SLC2A4RG: variants seen among roughly 807,000 people sequenced by gnomAD.
SLC2A4RG encodes the protein SLC2A4 regulator.
In SLC2A4RG, 23 loss-of-function variants were observed where a neutral mutation model predicts 35.5. That is an observed-to-expected ratio of 0.65 (90% CI 0.47 to 0.92). SLC2A4RG has a LOEUF of 0.92. Among genes scored for constraint, SLC2A4RG ranks in the 40% least tolerant of loss-of-function variants. SLC2A4RG has a pLI of 0.00. For missense variants in SLC2A4RG, 539 were observed against 525.0 expected (o/e 1.03, Z -0.26); for synonymous variants, 306 against 243.7 (o/e 1.26, Z -2.38).
Position 63,742,542 on chromosome 20 carries a change from C to T in SLC2A4RG, c.887C>T (p.Pro296Leu), listed in dbSNP as rs377648423. The T allele has an allele frequency of 1.3e-4, 207 of 1,565,258 alleles. 1 individual carries two copies. The South Asian group carries it at 1.8e-3, about 14-fold the overall frequency. Reference sequence around the variant, plus strand: ...CCTAGTCCCCTGCGGCCGCCTGCCCCGCCCCTGCCCCCGCCCCCTGTCCTG... The same window carrying T: ...CCTAGTCCCCTGCGGCCGCCTGCCCTGCCCCTGCCCCCGCCCCCTGTCCTG... ...ALPSPLRPPA[P>L]PLPPPPVLST... The change falls in exon 6 of 8, where the codon CCG (proline) becomes CTG (leucine). Residue 296 changes from proline (P) to leucine (L), a missense_variant. Transcript: ENST00000266077.
Position 63,740,458 on chromosome 20 carries a change from G to GC in SLC2A4RG, c.214dup (p.Arg72ProfsTer93). The GC allele has an allele frequency of 8.1e-7, 1 of 1,230,188 alleles. No individual in the cohort carries two copies. The highest frequency in any genetic ancestry group is 1.0e-6 in the Non-Finnish European group (1 of 986,252). The allele number at this position is 1,230,188 out of a possible 1,614,324, so 76.2% of individuals were successfully genotyped here. A position where few individuals can be genotyped will look rare whatever the true frequency, so the allele number is the denominator to read the frequency against. ...GGAGCCGCGGGCCTCGGACCTGGGGGCCCCCCGGACGTGGACGGGGGCGGC... is the reference window on the plus strand; with the variant it reads ...GGAGCCGCGGGCCTCGGACCTGGGGGCCCCCCCGGACGTGGACGGGGGCGGC... On this transcript the variant is annotated frameshift_variant, in exon 2 of 8. Coordinates refer to ENST00000266077, the MANE Select transcript of SLC2A4RG (RefSeq NM_020062.4). LOFTEE classifies it high-confidence loss of function.
At position 63,742,450 on chromosome 20, in the gene SLC2A4RG, C is replaced by T. The variant is rs763656073; in HGVS notation, c.795C>T (p.Pro265=). 1 of 1,601,162 alleles carries T rather than the reference C, an allele frequency of 6.2e-7. No individual in the cohort carries two copies. Among genetic ancestry groups the T allele is most frequent in the African/African-American group, 1.3e-5 (1 of 74,686 alleles). The change falls in exon 6 of 8, where the codon CCC becomes CCT. Residue 265 remains proline, a synonymous_variant. Coordinates refer to ENST00000266077, the MANE Select transcript of SLC2A4RG (RefSeq NM_020062.4). The stretch of plus-strand genomic sequence containing the variant: ...TGTCCAGCCTGACTCCAGTGTCCCC[C>T]ACGGCCTCCATGCCGCCTGCCTTCC... ...DGLSSLTPVS[P]TASMPPAFPR...
intron 1 of SLC2A4RG, 136 bp from the exon 2 acceptor site, chr20:63,740,241 G>A: frequency 3.7e-6 from 2 of 534,560 alleles, no homozygotes; most frequent in Non-Finnish European, 5.1e-6. Context: ...GGGCGGGGCC[G>A]GGGGCGGGGC....
At position 63,742,481 on chromosome 20, in the gene SLC2A4RG, C is replaced by A; in HGVS notation, c.826C>A (p.Leu276Met). 1 of 1,583,446 alleles carries A rather than the reference C, an allele frequency of 6.3e-7. No individual in the cohort carries two copies. The highest frequency in any genetic ancestry group is 2.3e-5 in the East Asian group (1 of 43,672). Residue 276 changes from leucine (L) to methionine (M), a missense_variant, in exon 6 of 8, where the codon CTG (leucine) becomes ATG (methionine). Physicochemically the swap from Leu to Met is conservative, Grantham distance 15 (BLOSUM62 2). Coordinates refer to ENST00000266077, the MANE Select transcript of SLC2A4RG (RefSeq NM_020062.4). ...CTCCATGCCGCCTGCCTTCCCCCGCCTGGAGCTGCCAGAGCTGCTGGAGCC... is the reference window on the plus strand; with the variant it reads ...CTCCATGCCGCCTGCCTTCCCCCGCATGGAGCTGCCAGAGCTGCTGGAGCC... Reference protein sequence around the residue: ...TASMPPAFPRLELPELLEPPA... With the variant: ...TASMPPAFPRMELPELLEPPA...
chr20:63,740,466 G>T lies in SLC2A4RG; in HGVS notation c.216G>T (p.Arg72=). Residue 72 remains arginine, a synonymous_variant, in exon 2 of 8, where the codon CGG becomes CGT. Coordinates refer to ENST00000266077, the MANE Select transcript of SLC2A4RG (RefSeq NM_020062.4). ...EPRASDLGAP[R]TWTGAAAGPR... is the part of the protein sequence containing the mutation. ...GGGCCTCGGACCTGGGGGCCCCCCG[G>T]ACGTGGACGGGGGCGGCGGCGGGGC... 3.3e-6 allele frequency: 4 copies of T among 1,229,992 alleles called. No homozygotes were observed. The highest frequency in any genetic ancestry group is 4.1e-5 in the South Asian group (1 of 24,358). 76.2% of individuals were successfully genotyped at this position (1,229,992 alleles called of 1,614,324 possible). A position where few individuals can be genotyped will look rare whatever the true frequency, so the allele number is the denominator to read the frequency against.
chr20:63,742,725 G>A lies in SLC2A4RG; in HGVS notation c.987G>A (p.Glu329=), dbSNP rs1419538390. 1.3e-6 allele frequency: 2 copies of A among 1,598,284 alleles called. No individual in the cohort carries two copies. Among genetic ancestry groups the A allele is most frequent in the East Asian group, 2.3e-5 (1 of 44,266 alleles). The part of the protein sequence containing the change: ...YQGCLTPARL[E]PQPTEVGACP... ...GCTGCCTGACGCCCGCCCGCCTGGAGCCGCAGCCCACGGAGGTCGGAGCCT... is the reference window on the plus strand; with the variant it reads ...GCTGCCTGACGCCCGCCCGCCTGGAACCGCAGCCCACGGAGGTCGGAGCCT... Residue 329 remains glutamate (E), a synonymous_variant, in exon 7 of 8, where the codon GAG becomes GAA. Transcript: ENST00000266077.
chr20:63,741,960 G>A lies in SLC2A4RG; in HGVS notation c.483G>A (p.Leu161=). ...SSNSGDWGWD[L]ASDQSSPSTP... ...ACAGTGGAGACTGGGGATGGGACCT[G>A]GCCAGTGACCAGTCCTCTCCGTCCA... is the stretch of plus-strand genomic sequence containing the variant. Residue 161 remains leucine (L), a synonymous_variant, in exon 4 of 8, where the codon CTG becomes CTA. Transcript: ENST00000266077. The A allele has an allele frequency of 1.9e-6, 3 of 1,612,956 alleles. No individual in the cohort carries two copies. Among genetic ancestry groups the A allele is most frequent in the Non-Finnish European group, 2.5e-6 (3 of 1,179,846 alleles).
Position 63,740,538 on chromosome 20 carries a change from G to T in SLC2A4RG, c.281+7G>T. 1 of 1,228,982 alleles carries T rather than the reference G, an allele frequency of 8.1e-7. No homozygotes were observed. The highest frequency in any genetic ancestry group is 1.0e-6 in the Non-Finnish European group (1 of 985,926). 76.1% of individuals were successfully genotyped at this position (1,228,982 alleles called of 1,614,324 possible). A position where few individuals can be genotyped will look rare whatever the true frequency, so the allele number is the denominator to read the frequency against. On this transcript the variant is annotated splice_region_variant and intron_variant, in intron 2 of 7. Coordinates refer to ENST00000266077, the MANE Select transcript of SLC2A4RG (RefSeq NM_020062.4). ...TCCCCGTCCCAGCGCAGAGGTGAGCGGGAGGCCCGGTGCCTCGGGACTCGG... is the reference window on the plus strand; with the variant it reads ...TCCCCGTCCCAGCGCAGAGGTGAGCTGGAGGCCCGGTGCCTCGGGACTCGG...
intron 2 of SLC2A4RG, 191 bp from the exon 3 acceptor site, chr20:63,741,179 T>C (rs1450813160): frequency 1.7e-6 from 1 of 594,910 alleles, no homozygotes; most frequent in Non-Finnish European, 3.0e-6. Flanking sequence ...ACCCTGGCCC[T>C]GCTCCTGGCG....
chr20:63,741,305 A>G, intron 2 of SLC2A4RG, 65 bp from the exon 3 acceptor site: 1 of 1,482,104 alleles, frequency 6.7e-7, no homozygotes, highest in East Asian at 2.3e-5. Context: ...CTGCACGTGG[A>G]CCGACCAGGG....
At chr20:63,742,847 C>T (rs886442147) in intron 7 of SLC2A4RG, 32 bp from the exon 8 acceptor site, 2 of 1,597,156 alleles carry the variant, frequency 1.3e-6, no homozygotes, top group Non-Finnish European at 1.7e-6. Context: ...CCTGGTCTCA[C>T]AGCACCCCAT....
In SLC2A4RG at chr20:63,742,545, C is replaced by T. The variant is rs1440263730; in HGVS notation, c.890C>T (p.Pro297Leu). ...AGTCCCCTGCGGCCGCCTGCCCCGC[C>T]CCTGCCCCCGCCCCCTGTCCTGAGC... ...LPSPLRPPAP[P>L]LPPPPVLSTV... The change falls in exon 6 of 8, where the codon CCC (proline) becomes CTC (leucine). Residue 297 changes from proline to leucine, a missense_variant. Coordinates refer to ENST00000266077, the MANE Select transcript of SLC2A4RG (RefSeq NM_020062.4). 2.6e-6 allele frequency: 4 copies of T among 1,566,612 alleles called. No homozygotes were observed. Among genetic ancestry groups the T allele is most frequent in the South Asian group, 2.3e-5 (2 of 85,830 alleles).
In SLC2A4RG at chr20:63,742,519, T is replaced by TA; in HGVS notation, c.865dup (p.Ser289LysfsTer21). 6.4e-7 allele frequency: 1 copy of TA among 1,563,456 alleles called. No individual in the cohort carries two copies. The highest frequency in any genetic ancestry group is 8.7e-7 in the Non-Finnish European group (1 of 1,154,680). ...AGCTGCTGGAGCCCCCAGCCCTGCCTAGTCCCCTGCGGCCGCCTGCCCCGC... is the reference window on the plus strand; with the variant it reads ...AGCTGCTGGAGCCCCCAGCCCTGCCTAAGTCCCCTGCGGCCGCCTGCCCCGC... On this transcript the variant is annotated frameshift_variant, in exon 6 of 8. Coordinates refer to ENST00000266077, the MANE Select transcript of SLC2A4RG (RefSeq NM_020062.4). LOFTEE classifies it high-confidence loss of function.
At chr20:63,741,536 C>A in intron 3 of SLC2A4RG, 57 bp downstream of exon 3, 1 of 1,455,816 alleles carries the variant, frequency 6.9e-7, no homozygotes, top group Non-Finnish European at 9.4e-7. Flanking sequence ...TCAGAACCTA[C>A]AGCCACCCAG....
At chr20:63,742,647 G>C (rs957249589) in intron 6 of SLC2A4RG, 32 bp downstream of exon 6, 2 of 1,580,654 alleles carry the variant, frequency 1.3e-6, no homozygotes, top group Non-Finnish European at 1.7e-6. Context: ...AGCTGGGGCG[G>C]GTCTCAGGGC....
At position 63,742,913 on chromosome 20, in the gene SLC2A4RG, G is replaced by A; in HGVS notation, c.1087G>A (p.Val363Met). The change falls in exon 8 of 8, where the codon GTG (valine) becomes ATG (methionine). Residue 363 changes from valine to methionine, a missense_variant. Transcript: ENST00000266077. Reference protein sequence around the residue: ...PRGDAKKCRKVYGMERRDLWC... With the variant: ...PRGDAKKCRKMYGMERRDLWC... ...CGGCGACGCGAAGAAGTGCCGGAAGGTGTATGGCATGGAGCGCCGGGACCT... is the reference window on the plus strand; with the variant it reads ...CGGCGACGCGAAGAAGTGCCGGAAGATGTATGGCATGGAGCGCCGGGACCT... 6.2e-7 allele frequency: 1 copy of A among 1,612,568 alleles called. No homozygotes were observed. Among genetic ancestry groups the A allele is most frequent in the East Asian group, 2.2e-5 (1 of 44,872 alleles).
chr20:63,743,134 G>GGGGGGGGCC lies in SLC2A4RG; in HGVS notation c.*144_*145insGGGGGGGCC. On this transcript the variant is annotated 3_prime_UTR_variant, in exon 8 of 8. Coordinates refer to ENST00000266077, the MANE Select transcript of SLC2A4RG (RefSeq NM_020062.4). ...CTTTTACTTGGGGTGGGGGGGCGGG[G>GGGGGGGGCC]CTGACCCTGAACCCTCCCCCCCGCC... The GGGGGGGGCC allele has an allele frequency of 3.3e-6, 1 of 304,538 alleles. No individual in the cohort carries two copies. The highest frequency in any genetic ancestry group is 1.1e-4 in the East Asian group (1 of 9,518). The allele number at this position is 304,538 out of a possible 1,614,324, so 18.9% of individuals were successfully genotyped here. A position where few individuals can be genotyped will look rare whatever the true frequency, so the allele number is the denominator to read the frequency against.
At position 63,739,987 on chromosome 20, in the gene SLC2A4RG, G is replaced by T; in HGVS notation, c.75G>T (p.Ala25=). Residue 25 remains alanine, a synonymous_variant, in exon 1 of 8, where the codon GCG becomes GCT. Coordinates refer to ENST00000266077, the MANE Select transcript of SLC2A4RG (RefSeq NM_020062.4). The part of the protein sequence containing the change: ...ALRAEAPWLR[A]EGPGPRAAPV... The stretch of plus-strand genomic sequence containing the variant: ...GGGCCGAGGCGCCGTGGCTGCGCGC[G>T]GAGGGTCCGGGGCCGCGCGCCGCGC... The T allele has an allele frequency of 4.1e-6, 4 of 980,772 alleles. No homozygotes were observed. Among genetic ancestry groups the T allele is most frequent in the Non-Finnish European group, 4.8e-6 (4 of 828,344 alleles). The allele number at this position is 980,772 out of a possible 1,614,324, so 60.8% of individuals were successfully genotyped here. A position where few individuals can be genotyped will look rare whatever the true frequency, so the allele number is the denominator to read the frequency against.
At position 63,740,448 on chromosome 20, in the gene SLC2A4RG, G is replaced by C; in HGVS notation, c.198G>C (p.Ser66=). The change falls in exon 2 of 8, where the codon TCG becomes TCC. Residue 66 remains serine, a synonymous_variant. Coordinates refer to ENST00000266077, the MANE Select transcript of SLC2A4RG (RefSeq NM_020062.4). ...CGCAGGAGTCGGAGCCGCGGGCCTC[G>C]GACCTGGGGGCCCCCCGGACGTGGA... ...ARPQESEPRA[S]DLGAPRTWTG... The C allele has an allele frequency of 3.3e-6, 4 of 1,230,400 alleles. No homozygotes were observed. The highest frequency in any genetic ancestry group is 3.2e-5 in the East Asian group (1 of 31,512). 76.2% of individuals were successfully genotyped at this position (1,230,400 alleles called of 1,614,324 possible).
Sources: allele counts gnomAD v4.1 joint callset, GRCh38; gene constraint gnomAD v4.1.1; transcripts MANE v1.5; gene names NCBI Gene and HGNC (gene_info 2026-07-23, HGNC 2026-07-21).